MDGA1: variants seen among roughly 807,000 people sequenced by gnomAD.
MDGA1 encodes MAM domain containing glycosylphosphatidylinositol anchor 1.
In MDGA1, 54 loss-of-function variants were observed where a neutral mutation model predicts 101.5. The observed-to-expected ratio is 0.53, with a 90% CI of 0.43 to 0.67. The LOEUF (loss-of-function observed/expected upper bound fraction) is 0.67, where lower values mean the gene tolerates loss of function less well. Ranked by LOEUF, MDGA1 falls within the 30% of genes least tolerant of loss-of-function variation. The pLI, the probability that MDGA1 is intolerant of heterozygous loss-of-function variation, is 0.00. For missense variants in MDGA1, 1,083 were observed against 1,323.8 expected (o/e 0.82, Z 2.82); for synonymous variants, 533 against 558.3 (o/e 0.95, Z 0.64).
Position 37,637,435 on chromosome 6 carries a change from G to C in MDGA1, c.2801C>G (p.Ala934Gly). ...CAGCTGTGGGCTGGACTGGCAGGGG[G>C]CTCCACTGCCCGGCATCACCACCAC... ...NKVVVMPGSG[A>G]PCQSSPQLWG... is the part of the protein sequence containing the mutation. Residue 934 changes from alanine (A) to glycine (G), a missense_variant, in exon 17 of 17, where the codon GCC becomes GGC. Around this residue, in one of 3 missense-constraint regions of MDGA1, gnomAD observed 657 missense variants for 771.4 expected, o/e 0.85. Transcript: ENST00000434837. The C allele has an allele frequency of 6.2e-7, 1 of 1,613,372 alleles. No homozygotes were observed. The highest frequency in any genetic ancestry group is 1.3e-5 in the African/African-American group (1 of 75,060).
In MDGA1 at chr6:37,643,844, A is replaced by G; in HGVS notation, c.2501T>C (p.Val834Ala). ...LYNASAKFYC[V>A]SFFYHMYGKH... The stretch of plus-strand genomic sequence containing the variant: ...CCCGTACATGTGGTAGAAGAAGGAG[A>G]CACAGTAGAACTTGGCGCTGGCATT... The change falls in exon 14 of 17, where the codon GTC (valine) becomes GCC (alanine). Residue 834 changes from valine to alanine, a missense_variant. Val to Ala is a moderately conservative substitution (Grantham distance 64, BLOSUM62 0). Transcript: ENST00000434837. The G allele has an allele frequency of 6.2e-7, 1 of 1,613,912 alleles. No homozygotes were observed. The highest frequency in any genetic ancestry group is 8.5e-7 in the Non-Finnish European group (1 of 1,179,854).
At chr6:37,658,719 C>G (rs550639928) in intron 2 of MDGA1, among the ~76,000 whole-genome samples, 3 of 152,314 alleles carry the variant, frequency 2.0e-5, no homozygotes, top group Non-Finnish European at 2.9e-5. Context: ...CGCCACTAAT[C>G]CCAGCACTTC....
At chr6:37,642,414 C>T (rs1764109571) in intron 14 of MDGA1, among the ~76,000 whole-genome samples, 1 of 151,934 alleles carries the variant, frequency 6.6e-6, no homozygotes, top group Admixed American at 6.6e-5. Flanking sequence ...TCAGGTGTCC[C>T]GCCCGCCTCG....
At chr6:37,691,935 C>T (rs971750263) in intron 1 of MDGA1, among the ~76,000 whole-genome samples, 2 of 152,220 alleles carry the variant, frequency 1.3e-5, no homozygotes, top group African/African-American at 4.8e-5. Flanking sequence ...TAAGCTGAGC[C>T]CCAGCATCCA....
At chr6:37,695,321 A>G (rs1762393321) in intron 1 of MDGA1, among the ~76,000 whole-genome samples, 1 of 152,206 alleles carries the variant, frequency 6.6e-6, no homozygotes, top group South Asian at 2.1e-4. Flanking sequence ...TGGAGAGGCC[A>G]AGGCCTCCAG....
At chr6:37,656,077 CTT>C (rs11396919) in intron 3 of MDGA1, among the ~76,000 whole-genome samples, 181 bp from the exon 4 acceptor site, 1 of 142,150 alleles carries the variant, frequency 7.0e-6, no homozygotes, top group Non-Finnish European at 1.5e-5. Flanking sequence ...GGACTTTTTC[CTT>C]TTTTTTTTTT....
intron 1 of MDGA1, among the ~76,000 whole-genome samples, chr6:37,676,657 G>A (rs911640149): frequency 1.0e-5 from 1 of 100,388 alleles, no homozygotes; most frequent in Admixed American, 9.3e-5. Flanking sequence ...CCAGCACTTT[G>A]GGAGGCAAGG....
intron 1 of MDGA1, among the ~76,000 whole-genome samples, chr6:37,677,126 C>A (rs1761997506): frequency 6.6e-6 from 1 of 152,086 alleles, no homozygotes; most frequent in Admixed American, 6.5e-5. Context: ...GCCGAACGAC[C>A]CAAGTATGGC....
intron 2 of MDGA1, among the ~76,000 whole-genome samples, chr6:37,660,336 C>A (rs982259099): frequency 6.6e-6 from 1 of 151,892 alleles, no homozygotes. Context: ...TTAAATATTG[C>A]CTCCTCTCTT....
At chr6:37,648,742 G>A (rs1443144148) in intron 9 of MDGA1, 2 of 656,078 alleles carry the variant, frequency 3.0e-6, no homozygotes, top group South Asian at 4.2e-5. Context: ...GTGAGTGGAG[G>A]GGCGTGGCCC....
intron 10 of MDGA1, 96 bp from the exon 11 acceptor site, chr6:37,646,471 C>G (rs1761201056): frequency 9.8e-7 from 1 of 1,019,584 alleles, no homozygotes. Flanking sequence ...TGCCCACCTC[C>G]CAGGGCTGTC....
At chr6:37,681,766 ACT>A (rs981440357) in intron 1 of MDGA1, among the ~76,000 whole-genome samples, 110 of 137,868 alleles carry the variant, frequency 8.0e-4, no homozygotes, top group African/African-American at 3.0e-3. Context: ...ACACACACAC[ACT>A]GATCTCCAAC....
intron 2 of MDGA1, among the ~76,000 whole-genome samples, chr6:37,660,450 C>T (rs1761596007): frequency 6.6e-6 from 1 of 152,256 alleles, no homozygotes; most frequent in East Asian, 1.9e-4. Flanking sequence ...TCTTTGTCTT[C>T]CCTGGACTCC....
intron 1 of MDGA1, among the ~76,000 whole-genome samples, chr6:37,680,406 G>A (rs573800348): frequency 2.0e-5 from 3 of 152,374 alleles, no homozygotes; most frequent in East Asian, 3.9e-4. Context: ...GAGGAAGTGA[G>A]AAGGGCTGAG....
chr6:37,655,602 G>A lies in MDGA1; in HGVS notation c.579+98C>T, dbSNP rs960620713. On this transcript the variant is annotated intron_variant, in intron 4 of 16. Coordinates refer to ENST00000434837, the MANE Select transcript of MDGA1 (RefSeq NM_153487.4). The surrounding 1 kb of genome is among the most constrained non-coding windows in gnomAD (Gnocchi z 5.1). Reference sequence around the variant, plus strand: ...GTGTTTCCAAAGTAAGAATAGAATTGTTGAAGTCAAGGCAGTCCCAAAAAC... The same window carrying A: ...GTGTTTCCAAAGTAAGAATAGAATTATTGAAGTCAAGGCAGTCCCAAAAAC... 1 of 855,326 alleles carries A rather than the reference G, an allele frequency of 1.2e-6. No individual in the cohort carries two copies. Among genetic ancestry groups the A allele is most frequent in the Non-Finnish European group, 1.8e-6 (1 of 554,396 alleles). 53.0% of individuals were successfully genotyped at this position (855,326 alleles called of 1,614,324 possible).
At chr6:37,691,966 T>C (rs1029959121) in intron 1 of MDGA1, among the ~76,000 whole-genome samples, 2 of 152,198 alleles carry the variant, frequency 1.3e-5, no homozygotes, top group Non-Finnish European at 2.9e-5. Context: ...AGGGAAAACC[T>C]GATTCATCTG....
In MDGA1 at chr6:37,648,672, A is replaced by C. The variant is rs78228665; in HGVS notation, c.1894+310T>G. 1.8e-3 allele frequency: 839 copies of C among 458,888 alleles called. 5 individuals carry two copies. The highest frequency in any genetic ancestry group is 7.2e-3 in the African/African-American group (350 of 48,474). 28.4% of individuals were successfully genotyped at this position (458,888 alleles called of 1,614,324 possible). On this transcript the variant is annotated intron_variant, in intron 9 of 16. Transcript: ENST00000434837. ...GGCTGAGCTGTAATGGGCGGGGCTT[A>C]GGACTGGTATAGGCATAGGCGGGCC...
intron 1 of MDGA1, among the ~76,000 whole-genome samples, chr6:37,669,793 T>G (rs955253971): frequency 6.6e-6 from 1 of 152,210 alleles, no homozygotes; most frequent in African/African-American, 2.4e-5. Flanking sequence ...CAATAAATGC[T>G]TCTGGGCCAG....
At chr6:37,657,491 C>T (rs1160851334) in intron 3 of MDGA1, among the ~76,000 whole-genome samples, 1 of 152,210 alleles carries the variant, frequency 6.6e-6, no homozygotes. Flanking sequence ...GCCCTCAGCT[C>T]CAGGGTTTGG....
Sources: gnomAD v4.1 joint callset for allele counts (sites outside exome capture counted in the v4.1 genomes callset) on GRCh38, gnomAD v4.1.1 for gene constraint, gnomAD v4.1.1 regional missense constraint, Gnocchi (gnomAD v3.1) non-coding constraint, MANE v1.5 for transcripts, NCBI Gene and HGNC (gene_info 2026-07-23, HGNC 2026-07-21) for gene names.